SIRPA: variants seen among roughly 807,000 people sequenced by gnomAD.
SIRPA encodes the protein signal regulatory protein alpha.
Under a neutral mutation model 50.3 loss-of-function variants are expected in SIRPA, and 9 were observed. The ratio of observed to expected loss-of-function variants is 0.18; its 90% CI spans 0.11 to 0.31. SIRPA has a LOEUF of 0.31. Ranked by LOEUF, SIRPA falls within the 10% of genes least tolerant of loss-of-function variation. The pLI is 1.00. For synonymous variants in SIRPA, 265 were observed against 284.1 expected, an observed-to-expected ratio of 0.93 and a Z score of 0.68; for missense variants, 474 against 661.6, an observed-to-expected ratio of 0.72 and a Z score of 3.11.
At position 1,895,544 on chromosome 20, in the gene SIRPA, C is replaced by A. The variant is rs1377585411; in HGVS notation, c.79+18C>A. Reference sequence around the variant, plus strand: ...CTGGTCAGGTAAGCACCCCCCCGCTCCCCACCGCTGCACTCCCCAAACTGC... The same window carrying A: ...CTGGTCAGGTAAGCACCCCCCCGCTACCCACCGCTGCACTCCCCAAACTGC... On this transcript the variant is annotated intron_variant, in intron 1 of 7. Transcript: ENST00000358771. 4.2e-6 allele frequency: 6 copies of A among 1,431,790 alleles called. No homozygotes were observed. The Admixed American group carries it at 1.2e-4, about 28-fold the overall frequency. The allele number at this position is 1,431,790 out of a possible 1,614,324, so 88.7% of individuals were successfully genotyped here. A position where few individuals can be genotyped will look rare whatever the true frequency, so the allele number is the denominator to read the frequency against.
In SIRPA at chr20:1,928,540, G is replaced by A. The variant is rs1017192406; in HGVS notation, c.1226+641G>A. Among the ~76,000 whole-genome samples, 48 of 152,232 alleles carry A rather than the reference G, an allele frequency of 3.2e-4. No individual in the cohort carries two copies. The highest frequency in any genetic ancestry group is 1.1e-3 in the African/African-American group (44 of 41,452). ...AGGCTTTCATGGGGCTCAGACGCCG[G>A]TGAGAGAAACAGGCATAAACGCAGA... On this transcript the variant is annotated intron_variant, in intron 6 of 7. Transcript: ENST00000358771. The surrounding 1 kb of genome is among the most constrained non-coding windows in gnomAD (Gnocchi z 4.9).
At chr20:1,896,394 A>C (rs1983823863) in intron 1 of SIRPA, among the ~76,000 whole-genome samples, 1 of 128,068 alleles carries the variant, frequency 7.8e-6, no homozygotes, top group South Asian at 2.6e-4. Context: ...ACCATTCAGG[A>C]GTCTTGCTTC....
At position 1,927,047 on chromosome 20, in the gene SIRPA, C is replaced by A. The variant is rs921868813; in HGVS notation, c.1202-828C>A. On this transcript the variant is annotated intron_variant, in intron 5 of 7. Transcript: ENST00000358771. The surrounding 1 kb of genome is among the most constrained non-coding windows in gnomAD (Gnocchi z 6.5). ...ACCTGTCAGCCTCCACTCAGACTTT[C>A]GGTGCTGAGCACAGCTTCCAACTGG... Among the ~76,000 whole-genome samples, 1 of 152,188 alleles carries A rather than the reference C, an allele frequency of 6.6e-6. No individual in the cohort carries two copies.
Position 1,924,571 on chromosome 20 carries a change from G to A in SIRPA, c.1088-193G>A, listed in dbSNP as rs534539761. 6.6e-6 allele frequency among the ~76,000 whole-genome samples: 1 copy of A among 152,302 alleles called. No individual in the cohort carries two copies. Among genetic ancestry groups the A allele is most frequent in the African/African-American group, 2.4e-5 (1 of 41,564 alleles). ...CCTGGCACCTCAGCATGGTTTTTGT[G>A]CTGTTCATGGATGAGTCTCGTGGGC... On this transcript the variant is annotated intron_variant, in intron 4 of 7. Coordinates refer to ENST00000358771, the MANE Select transcript of SIRPA (RefSeq NM_001040023.2). The surrounding 1 kb of genome is among the most constrained non-coding windows in gnomAD (Gnocchi z 4.5).
Position 1,937,728 on chromosome 20 carries a change from G to A in SIRPA, c.*160G>A. ...GGCTCTTCTCTCCCCACCCCTCCTT[G>A]GCTCTCCAGCACTTCCTGGGCAGCC... On this transcript the variant is annotated 3_prime_UTR_variant, in exon 8 of 8. Coordinates refer to ENST00000358771, the MANE Select transcript of SIRPA (RefSeq NM_001040023.2). This position sits in a 1 kb window ranked among gnomAD's most constrained non-coding sequence, Gnocchi z 8.3. 1 of 874,194 alleles carries A rather than the reference G, an allele frequency of 1.1e-6. No homozygotes were observed. The highest frequency in any genetic ancestry group is 1.7e-6 in the Non-Finnish European group (1 of 585,848). The allele number at this position is 874,194 out of a possible 1,614,324, so 54.2% of individuals were successfully genotyped here. A position where few individuals can be genotyped will look rare whatever the true frequency, so the allele number is the denominator to read the frequency against.
rs2122227121 is a variant in SIRPA, at chr20:1,940,232, G to A, written c.*2664G>A. 1 of 152,382 alleles carries A rather than the reference G, an allele frequency of 6.6e-6. No individual in the cohort carries two copies. Among genetic ancestry groups the A allele is most frequent in the South Asian group, 2.1e-4 (1 of 4,826 alleles). 9.4% of individuals were successfully genotyped at this position (152,382 alleles called of 1,614,324 possible). ...ATGGGGCAGGAATAGTCCCTGCCAG[G>A]GTGACTGTGTGGATTCAAGGAGGTT... On this transcript the variant is annotated 3_prime_UTR_variant, in exon 8 of 8. Coordinates refer to ENST00000358771, the MANE Select transcript of SIRPA (RefSeq NM_001040023.2).
chr20:1,903,603 C>T (rs1311968083), intron 1 of SIRPA, among the ~76,000 whole-genome samples: 1 of 152,214 alleles, frequency 6.6e-6, no homozygotes, highest in East Asian at 1.9e-4. Flanking sequence ...ATCCTCACCT[C>T]TTACCACTCT....
rs1165275327 is a variant in SIRPA at position 1,937,401 on chromosome 20, C to G, written c.1348C>G (p.His450Asp). The G allele has an allele frequency of 6.2e-7, 1 of 1,614,000 alleles. No homozygotes were observed. Among genetic ancestry groups the G allele is most frequent in the East Asian group, 2.2e-5 (1 of 44,872 alleles). ...PAPQAAEPNN[H>D]TEYASIQTSP... Reference sequence around the variant, plus strand: ...TCCCCAGGCTGCGGAGCCCAACAACCACACGGAGTATGCCAGCATTCAGAC... The same window carrying G: ...TCCCCAGGCTGCGGAGCCCAACAACGACACGGAGTATGCCAGCATTCAGAC... The change falls in exon 8 of 8, where the codon CAC becomes GAC. Residue 450 changes from histidine to aspartate, a missense_variant. Physicochemically the swap from His to Asp is moderately conservative, Grantham distance 81. Coordinates refer to ENST00000358771, the MANE Select transcript of SIRPA (RefSeq NM_001040023.2). This position sits in a 1 kb window ranked among gnomAD's most constrained non-coding sequence, Gnocchi z 8.3.
intron 1 of SIRPA, among the ~76,000 whole-genome samples, chr20:1,900,105 T>C (rs1314231810): frequency 2.0e-5 from 3 of 147,640 alleles, no homozygotes; most frequent in Non-Finnish European, 4.5e-5. Flanking sequence ...TTTTTTTTCT[T>C]TTTTTTTTTT....
At position 1,915,313 on chromosome 20, in the gene SIRPA, G is replaced by T. The variant is rs1210545251; in HGVS notation, c.294G>T (p.Lys98Asn). Residue 98 changes from lysine to asparagine, a missense_variant, in exon 2 of 8, where the codon AAG becomes AAT. Lys to Asn is a moderately conservative substitution (Grantham distance 94, BLOSUM62 0). Coordinates refer to ENST00000358771, the MANE Select transcript of SIRPA (RefSeq NM_001040023.2). ...TAACAACTGTTTCAGACCTCACAAA[G>T]AGAAACAACATGGACTTTTCCATCC... The part of the protein sequence containing the change: ...PRVTTVSDLT[K>N]RNNMDFSIRI... The T allele has an allele frequency of 6.2e-7, 1 of 1,613,508 alleles. No individual in the cohort carries two copies. Among genetic ancestry groups the T allele is most frequent in the South Asian group, 1.1e-5 (1 of 91,050 alleles).
rs778619030 is a variant in SIRPA, at chr20:1,937,427, C to G, written c.1374C>G (p.Thr458=). ...NNHTEYASIQ[T]SPQPASEDTL... ...ACACGGAGTATGCCAGCATTCAGACCAGCCCGCAGCCCGCGTCGGAGGACA... is the reference window on the plus strand; with the variant it reads ...ACACGGAGTATGCCAGCATTCAGACGAGCCCGCAGCCCGCGTCGGAGGACA... The change falls in exon 8 of 8, where the codon ACC becomes ACG. Residue 458 remains threonine (T), a synonymous_variant. Transcript: ENST00000358771. This position sits in a 1 kb window ranked among gnomAD's most constrained non-coding sequence, Gnocchi z 8.3. 1.8e-5 allele frequency: 29 copies of G among 1,614,010 alleles called. No homozygotes were observed. Among genetic ancestry groups the G allele is most frequent in the Non-Finnish European group, 2.0e-5 (24 of 1,180,034 alleles).
chr20:1,908,777 G>A (rs771126798), intron 1 of SIRPA, among the ~76,000 whole-genome samples: 1 of 152,078 alleles, frequency 6.6e-6, no homozygotes, highest in Non-Finnish European at 1.5e-5. Context: ...TCATGTTCAC[G>A]TGTTCTATTG....
chr20:1,895,467 C>A lies in SIRPA; in HGVS notation c.20C>A (p.Ala7Asp). ...CGGCCCATGGAGCCCGCCGGCCCGG[C>A]CCCCGGCCGCCTCGGGCCGCTGCTC... is the stretch of plus-strand genomic sequence containing the variant. MEPAGP[A>D]PGRLGPLLCL... Residue 7 changes from alanine to aspartate, a missense_variant, in exon 1 of 8, where the codon GCC becomes GAC. Physicochemically the swap from Ala to Asp is moderately radical, Grantham distance 126. Around this residue, in one of 4 missense-constraint regions of SIRPA, gnomAD observed 72 missense variants for 76.2 expected, o/e 0.94. Coordinates refer to ENST00000358771, the MANE Select transcript of SIRPA (RefSeq NM_001040023.2). The A allele has an allele frequency of 4.9e-6, 7 of 1,426,886 alleles. No individual in the cohort carries two copies. The highest frequency in any genetic ancestry group is 6.4e-6 in the Non-Finnish European group (7 of 1,096,316). 88.4% of individuals were successfully genotyped at this position (1,426,886 alleles called of 1,614,324 possible).
At position 1,934,647 on chromosome 20, in the gene SIRPA, C is replaced by A; in HGVS notation, c.1227-68C>A. The A allele has an allele frequency of 6.0e-6, 9 of 1,493,002 alleles. No individual in the cohort carries two copies. In the East Asian group the frequency reaches 9.0e-5, roughly 15 times the overall value. 92.5% of individuals were successfully genotyped at this position (1,493,002 alleles called of 1,614,324 possible). On this transcript the variant is annotated intron_variant, in intron 6 of 7. Transcript: ENST00000358771. The surrounding 1 kb of genome is among the most constrained non-coding windows in gnomAD (Gnocchi z 4.6). ...TAGAAAATGGAGCCTAAATGTTATT[C>A]TTATCAGTTTGCATGAGCACTTGAG...
intron 1 of SIRPA, among the ~76,000 whole-genome samples, chr20:1,897,240 T>A (rs1029735194): frequency 6.6e-6 from 1 of 152,156 alleles, no homozygotes; most frequent in Non-Finnish European, 1.5e-5. Flanking sequence ...CCATAAAACT[T>A]CCGTTCCAAT....
chr20:1,902,467 T>C (rs1033205232), intron 1 of SIRPA, among the ~76,000 whole-genome samples: 18 of 152,346 alleles, frequency 1.2e-4, no homozygotes, highest in African/African-American at 4.1e-4. Flanking sequence ...ATTGTAAATA[T>C]TCATTCAACA....
At chr20:1,919,847 G>T (rs539991875) in intron 2 of SIRPA, among the ~76,000 whole-genome samples, 30 of 152,266 alleles carry the variant, frequency 2.0e-4, no homozygotes, top group Admixed American at 1.5e-3. Flanking sequence ...TCTGCTCCTT[G>T]TATCATTTGG....
In SIRPA at chr20:1,937,397, C is replaced by T. The variant is rs560763328; in HGVS notation, c.1344C>T (p.Asn448=). 42 of 1,614,130 alleles carry T rather than the reference C, an allele frequency of 2.6e-5. No individual in the cohort carries two copies. Among genetic ancestry groups the T allele is most frequent in the South Asian group, 1.5e-4 (14 of 91,082 alleles). The change falls in exon 8 of 8, where the codon AAC becomes AAT. Residue 448 remains asparagine, a synonymous_variant. Coordinates refer to ENST00000358771, the MANE Select transcript of SIRPA (RefSeq NM_001040023.2). This position sits in a 1 kb window ranked among gnomAD's most constrained non-coding sequence, Gnocchi z 8.3. ...CTGCTCCCCAGGCTGCGGAGCCCAA[C>T]AACCACACGGAGTATGCCAGCATTC... The part of the protein sequence containing the change: ...KKPAPQAAEP[N]NHTEYASIQT...
chr20:1,921,568 A>G lies in SIRPA; in HGVS notation c.610A>G (p.Ser204Gly), dbSNP rs1568505952. 3 of 1,614,230 alleles carry G rather than the reference A, an allele frequency of 1.9e-6. No individual in the cohort carries two copies. Among genetic ancestry groups the G allele is most frequent in the Non-Finnish European group, 2.5e-6 (3 of 1,180,044 alleles). The change falls in exon 3 of 8, where the codon AGC becomes GGC. Residue 204 changes from serine to glycine, a missense_variant. By Grantham distance (56) the Ser-to-Gly change is moderately conservative. Transcript: ENST00000358771. ...FQTNVDPVGE[S>G]VSYSIHSTAK... is the part of the protein sequence containing the mutation. ...GACCAACGTGGACCCCGTAGGAGAG[A>G]GCGTGTCCTACAGCATCCACAGCAC...
Sources: gnomAD v4.1 joint callset for allele counts (sites outside exome capture counted in the v4.1 genomes callset) on GRCh38, gnomAD v4.1.1 for gene constraint, gnomAD v4.1.1 regional missense constraint, Gnocchi (gnomAD v3.1) non-coding constraint, MANE v1.5 for transcripts, NCBI Gene and HGNC (gene_info 2026-07-23, HGNC 2026-07-21) for gene names.